Variants in SH3BP4 observed in about 807,000 individuals in gnomAD.
SH3BP4 encodes the protein SH3 domain-binding protein 4.
A neutral mutation model predicts 65.5 loss-of-function variants in SH3BP4; 33 were observed. That is an observed-to-expected ratio of 0.50 (90% confidence interval 0.38 to 0.67). The LOEUF (loss-of-function observed/expected upper bound fraction) is 0.67, where lower values mean the gene tolerates loss of function less well. Among genes scored for constraint, SH3BP4 ranks in the 30% least tolerant of loss-of-function variants. The probability of loss-of-function intolerance (pLI) is 0.00; values close to 1 mark genes in which losing one functional copy is unlikely to be tolerated. For missense variants in SH3BP4, 1,134 were observed against 1,261.4 expected, an observed-to-expected ratio of 0.90 and a Z score of 1.53; for synonymous variants, 552 against 545.5, an observed-to-expected ratio of 1.01 and a Z score of -0.17.
intron 1 of SH3BP4, chr2:234,981,783 T>C (rs996963901): frequency 2.0e-5 from 3 of 152,122 alleles, no homozygotes; most frequent in African/African-American, 7.2e-5. Context: ...GTTTTCCGAG[T>C]TGTTGCAGAA....
At position 234,976,163 on chromosome 2, in the gene SH3BP4, C is replaced by T. The variant is rs1693162187; in HGVS notation, c.-206-19140C>T. Among the ~76,000 whole-genome samples, 1 of 152,128 alleles carries T rather than the reference C, an allele frequency of 6.6e-6. No individual in the cohort carries two copies. The highest frequency in any genetic ancestry group is 2.1e-4 in the South Asian group (1 of 4,828). On this transcript the variant is annotated intron_variant, in intron 1 of 5. Transcript: ENST00000392011. This position sits in a 1 kb window ranked among gnomAD's most constrained non-coding sequence, Gnocchi z 4.7. ...ATCTAGTGACCCCTGTGGAGGACTC[C>T]TGCGGATTCCCCATCTACCCATGAA... is the stretch of plus-strand genomic sequence containing the variant.
chr2:234,961,648 A>T (rs543412375), intron 1 of SH3BP4, among the ~76,000 whole-genome samples: 1 of 152,174 alleles, frequency 6.6e-6, no homozygotes, highest in East Asian at 1.9e-4. Context: ...GTGTACATGT[A>T]CCATAGTTTA....
At chr2:235,002,216 G>A (rs1694125003) in intron 2 of SH3BP4, among the ~76,000 whole-genome samples, 1 of 152,220 alleles carries the variant, frequency 6.6e-6, no homozygotes. Context: ...ATTTGGCGAA[G>A]AGGAAGCTGC....
Position 234,969,967 on chromosome 2 carries a change from ACACT to A in SH3BP4, c.-207+17799_-207+17802del, listed in dbSNP as rs567511684. On this transcript the variant is annotated intron_variant, in intron 1 of 5. Transcript: ENST00000392011. ...CACACTCCCTGTCTCTCACACACAC[ACACT>A]CTCACACACACTCCCACATACACAC... Among the ~76,000 whole-genome samples, 769 of 151,660 alleles carry A rather than the reference ACACT, an allele frequency of 5.1e-3. 10 individuals are homozygous for A. The highest frequency in any genetic ancestry group is 0.018 in the African/African-American group (722 of 41,256).
rs1559257132 is a variant in SH3BP4 at position 235,042,137 on chromosome 2, T to TG, written c.1370dup (p.Ser459LysfsTer14). 2 of 1,613,962 alleles carry TG rather than the reference T, an allele frequency of 1.2e-6. No homozygotes were observed. On this transcript the variant is annotated frameshift_variant, in exon 4 of 6. Transcript: ENST00000392011. LOFTEE classifies it high-confidence loss of function. This position sits in a 1 kb window ranked among gnomAD's most constrained non-coding sequence, Gnocchi z 7.3. ...GTATGTACGTGGCTGTCGTGGCCCATGGCCCAAGCATCCTCTACCCTTCCA... is the reference window on the plus strand; with the variant it reads ...GTATGTACGTGGCTGTCGTGGCCCATGGGCCCAAGCATCCTCTACCCTTCCA...
chr2:235,010,448 G>A (rs948648203), intron 2 of SH3BP4, among the ~76,000 whole-genome samples: 5 of 152,170 alleles, frequency 3.3e-5, no homozygotes, highest in African/African-American at 9.7e-5. Context: ...TCTGCATCTC[G>A]GTTTCCTCAT....
At chr2:234,990,672 C>G (rs962611621) in intron 1 of SH3BP4, among the ~76,000 whole-genome samples, 1 of 152,206 alleles carries the variant, frequency 6.6e-6, no homozygotes, top group Non-Finnish European at 1.5e-5. Flanking sequence ...GTCACTCCCT[C>G]AGCAACCTCT....
Position 235,026,290 on chromosome 2 carries a change from A to G in SH3BP4, c.-132-8581A>G, listed in dbSNP as rs61260198. ...CTGGCCAGTGAAAACATCTGGAATCATGACTCCAGCCGCGCTAGCCATCTC... is the reference window on the plus strand; with the variant it reads ...CTGGCCAGTGAAAACATCTGGAATCGTGACTCCAGCCGCGCTAGCCATCTC... On this transcript the variant is annotated intron_variant, in intron 2 of 5. Coordinates refer to ENST00000392011, the MANE Select transcript of SH3BP4 (RefSeq NM_014521.3). The surrounding 1 kb of genome is among the most constrained non-coding windows in gnomAD (Gnocchi z 4.6). 0.21 allele frequency among the ~76,000 whole-genome samples: 31,406 copies of G among 152,120 alleles called. 3,563 individuals carry two copies. Among genetic ancestry groups the G allele is most frequent in the East Asian group, 0.46 (2,347 of 5,150 alleles).
At position 235,045,335 on chromosome 2, in the gene SH3BP4, C is replaced by T. The variant is rs1245195200; in HGVS notation, c.2478+2088C>T. On this transcript the variant is annotated intron_variant, in intron 4 of 5. Coordinates refer to ENST00000392011, the MANE Select transcript of SH3BP4 (RefSeq NM_014521.3). The surrounding 1 kb of genome is among the most constrained non-coding windows in gnomAD (Gnocchi z 4.3). Reference sequence around the variant, plus strand: ...GTACCACACCAGCTGTGGAAAATAACCGCCGAGTAGGTGGCTTTTACACTC... The same window carrying T: ...GTACCACACCAGCTGTGGAAAATAATCGCCGAGTAGGTGGCTTTTACACTC... Among the ~76,000 whole-genome samples the T allele has an allele frequency of 6.6e-6, 1 of 152,240 alleles. No individual in the cohort carries two copies. Among genetic ancestry groups the T allele is most frequent in the Non-Finnish European group, 1.5e-5 (1 of 68,042 alleles).
intron 2 of SH3BP4, among the ~76,000 whole-genome samples, chr2:235,003,380 A>G (rs1282387051): frequency 6.6e-6 from 1 of 152,262 alleles, no homozygotes; most frequent in African/African-American, 2.4e-5. Flanking sequence ...TTCATTTGAC[A>G]GGAAAAAAGG....
At chr2:234,960,560 A>C (rs1405735346) in intron 1 of SH3BP4, among the ~76,000 whole-genome samples, 2 of 152,162 alleles carry the variant, frequency 1.3e-5, no homozygotes, top group South Asian at 2.1e-4. Context: ...CTTAGTGCCC[A>C]TTTTTGCTTA....
At chr2:235,011,507 C>T (rs1423603610) in intron 2 of SH3BP4, among the ~76,000 whole-genome samples, 2 of 152,222 alleles carry the variant, frequency 1.3e-5, no homozygotes, top group Non-Finnish European at 2.9e-5. Context: ...AGGACTTGAA[C>T]ACATCTTTTG....
intron 1 of SH3BP4, among the ~76,000 whole-genome samples, chr2:234,984,066 C>T (rs1249218126): frequency 2.0e-5 from 3 of 152,216 alleles, no homozygotes; most frequent in Non-Finnish European, 4.4e-5. Flanking sequence ...GCTGGGCTTC[C>T]CTGCTGACAC....
rs1391419663 is a variant in SH3BP4 at position 235,052,936 on chromosome 2, T to A, written c.2667+186T>A. 6.6e-6 allele frequency among the ~76,000 whole-genome samples: 1 copy of A among 152,220 alleles called. No individual in the cohort carries two copies. The highest frequency in any genetic ancestry group is 2.4e-5 in the African/African-American group (1 of 41,456). ...GAGTGGGAGCCATCCTCCGGATTGG[T>A]TGTCGTGAGCCCTGGCTTTAGGATG... On this transcript the variant is annotated intron_variant, in intron 5 of 5. Coordinates refer to ENST00000392011, the MANE Select transcript of SH3BP4 (RefSeq NM_014521.3). The surrounding 1 kb of genome is among the most constrained non-coding windows in gnomAD (Gnocchi z 5.0).
chr2:235,050,853 G>A (rs1039544282), intron 4 of SH3BP4, among the ~76,000 whole-genome samples: 13 of 152,150 alleles, frequency 8.5e-5, no homozygotes, highest in Admixed American at 2.0e-4. Flanking sequence ...GTGGGGGGTT[G>A]TTTGTTTTTT....
intron 2 of SH3BP4, among the ~76,000 whole-genome samples, chr2:235,015,535 C>G (rs74718878): frequency 1.5e-3 from 221 of 152,276 alleles, no homozygotes; most frequent in African/African-American, 4.7e-3. Context: ...CTGCAGGGCT[C>G]TGTGGGGAAT....
chr2:234,999,202 C>A (rs927590831), intron 2 of SH3BP4, among the ~76,000 whole-genome samples: 2 of 152,220 alleles, frequency 1.3e-5, no homozygotes, highest in African/African-American at 4.8e-5. Flanking sequence ...CGCCTGCCTT[C>A]TTGAGAGGCT....
At chr2:235,031,990 G>A (rs570275173) in intron 2 of SH3BP4, among the ~76,000 whole-genome samples, 2 of 152,200 alleles carry the variant, frequency 1.3e-5, no homozygotes, top group Non-Finnish European at 1.5e-5. Context: ...AATTCCTCCT[G>A]GCATGAATGT....
In SH3BP4 at chr2:235,003,868, G is replaced by A. The variant is rs981286734; in HGVS notation, c.-133+8492G>A. On this transcript the variant is annotated intron_variant, in intron 2 of 5. Coordinates refer to ENST00000392011, the MANE Select transcript of SH3BP4 (RefSeq NM_014521.3). ...GGTGTGATTTTAGGGGCCACAGTCT[G>A]TTCCTGTTTTTTCTTAGCTGGTTTG... 2.6e-5 allele frequency among the ~76,000 whole-genome samples: 4 copies of A among 152,204 alleles called. No homozygotes were observed. In the East Asian group the frequency reaches 5.8e-4, roughly 22 times the overall value.
Sources: allele counts gnomAD v4.1 joint callset (sites outside exome capture counted in the v4.1 genomes callset), GRCh38; gene constraint gnomAD v4.1.1; non-coding constraint Gnocchi (gnomAD v3.1); transcripts MANE v1.5; gene names NCBI Gene and HGNC (gene_info 2026-07-23, HGNC 2026-07-21).